LRRN2: variants seen among roughly 807,000 people sequenced by gnomAD.
LRRN2 encodes the protein leucine rich repeat neuronal 2.
LRRN2 carries 10 observed loss-of-function variants against 35.7 expected under a neutral mutation model. That is an observed-to-expected ratio of 0.28 (90% confidence interval 0.17 to 0.47). LRRN2 has a LOEUF of 0.47. LRRN2 is among the 20% of genes least tolerant of loss of function. The pLI is 0.99. For missense variants in LRRN2, 731 were observed against 940.3 expected (o/e 0.78, Z 2.91); for synonymous variants, 391 against 409.6 (o/e 0.95, Z 0.55).
At chr1:204,623,846 G>A (rs995854967) in intron 1 of LRRN2, among the ~76,000 whole-genome samples, 2 of 152,200 alleles carry the variant, frequency 1.3e-5, no homozygotes, top group Admixed American at 1.3e-4. Context: ...GTGCTTGAGA[G>A]TTGCTATAGT....
At chr1:204,631,577 C>A (rs1667705934) in intron 1 of LRRN2, among the ~76,000 whole-genome samples, 1 of 151,444 alleles carries the variant, frequency 6.6e-6, no homozygotes, top group Non-Finnish European at 1.5e-5. Flanking sequence ...GGGGAGACAG[C>A]ATGATTCTAC....
chr1:204,657,694 C>T (rs1668390007), intron 1 of LRRN2, among the ~76,000 whole-genome samples: 1 of 152,078 alleles, frequency 6.6e-6, no homozygotes, highest in Non-Finnish European at 1.5e-5. Context: ...ATATAAAAAA[C>T]TACCAAATTG....
chr1:204,619,450 G>C lies in LRRN2; in HGVS notation c.543C>G (p.Asp181Glu). 1 of 1,614,254 alleles carries C rather than the reference G, an allele frequency of 6.2e-7. No individual in the cohort carries two copies. Among genetic ancestry groups the C allele is most frequent in the Non-Finnish European group, 8.5e-7 (1 of 1,180,054 alleles). The change falls in exon 2 of 2, where the codon GAC (aspartate) becomes GAG (glutamate). Residue 181 changes from aspartate (D) to glutamate (E), a missense_variant. Around this residue, in one of 3 missense-constraint regions of LRRN2, gnomAD observed 246 missense variants for 289.5 expected, o/e 0.85. Transcript: ENST00000367177. ...HLNSNLLRAI[D>E]SRWFEMLPNL... ...TGGGCAGCATTTCAAACCAGCGGCT[G>C]TCAATGGCCCTCAGGAGGTTGGAGT...
intron 1 of LRRN2, among the ~76,000 whole-genome samples, chr1:204,682,605 C>T (rs1199125790): frequency 6.6e-6 from 1 of 152,172 alleles, no homozygotes; most frequent in Non-Finnish European, 1.5e-5. Flanking sequence ...GTTGTCAGCA[C>T]GACTGAACAG....
In LRRN2 at chr1:204,619,599, G is replaced by C; in HGVS notation, c.394C>G (p.Leu132Val). ...LHLEENQLTRLEDHSFAGLAS... is the reference protein window; with the variant it reads ...LHLEENQLTRVEDHSFAGLAS... ...AGCCCTGCAAAGCTGTGGTCCTCCA[G>C]CCGGGTCAGCTGGTTCTCCTCTAGG... is the stretch of plus-strand genomic sequence containing the variant. The change falls in exon 2 of 2, where the codon CTG becomes GTG. Residue 132 changes from leucine (L) to valine (V), a missense_variant. Physicochemically the swap from Leu to Val is conservative, Grantham distance 32. Around this residue, in one of 3 missense-constraint regions of LRRN2, gnomAD observed 246 missense variants for 289.5 expected, o/e 0.85. Transcript: ENST00000367177. The C allele has an allele frequency of 3.7e-6, 6 of 1,614,202 alleles. No individual in the cohort carries two copies. The highest frequency in any genetic ancestry group is 5.1e-6 in the Non-Finnish European group (6 of 1,180,032).
chr1:204,668,552 G>A lies in LRRN2; in HGVS notation c.-227+16768C>T, dbSNP rs570916268. 3.3e-3 allele frequency among the ~76,000 whole-genome samples: 508 copies of A among 152,238 alleles called. 4 individuals carry two copies. The highest frequency in any genetic ancestry group is 0.012 in the African/African-American group (483 of 41,546). ...AGAGGTTGCAGTGAGCCAAGATCAC[G>A]CCATTGCACTGCAGCCTGGGTGACA... On this transcript the variant is annotated intron_variant, in intron 1 of 1. Coordinates refer to ENST00000367177, the MANE Select transcript of LRRN2 (RefSeq NM_201630.2).
At chr1:204,680,078 C>G (rs142931311) in intron 1 of LRRN2, among the ~76,000 whole-genome samples, 1 of 152,314 alleles carries the variant, frequency 6.6e-6, no homozygotes, top group Non-Finnish European at 1.5e-5. Context: ...GTCCTAAAGT[C>G]AGAGAGAAGG....
chr1:204,630,550 G>A (rs1225851295), intron 1 of LRRN2, among the ~76,000 whole-genome samples: 1 of 152,000 alleles, frequency 6.6e-6, no homozygotes, highest in African/African-American at 2.4e-5. Context: ...CCTGGTCTCG[G>A]GGGCGCTGCC....
At chr1:204,642,976 C>A (rs554851743) in intron 1 of LRRN2, among the ~76,000 whole-genome samples, 2 of 152,324 alleles carry the variant, frequency 1.3e-5, no homozygotes, top group African/African-American at 4.8e-5. Context: ...GACATGGAGT[C>A]AAATCCTGAT....
intron 1 of LRRN2, among the ~76,000 whole-genome samples, chr1:204,666,496 A>T (rs1209116363): frequency 6.6e-6 from 1 of 152,254 alleles, no homozygotes; most frequent in Non-Finnish European, 1.5e-5. Flanking sequence ...ATCCTGGGCC[A>T]GTTAGCTTTC....
At chr1:204,638,448 GTC>G (rs1667897629) in intron 1 of LRRN2, among the ~76,000 whole-genome samples, 1 of 112,566 alleles carries the variant, frequency 8.9e-6, no homozygotes, top group Non-Finnish European at 1.6e-5. Context: ...GTCTCGCTCT[GTC>G]GCCCAGGCTG....
Position 204,617,589 on chromosome 1 carries a change from A to T in LRRN2, c.*262T>A. 2.1e-6 allele frequency: 1 copy of T among 477,454 alleles called. No homozygotes were observed. The highest frequency in any genetic ancestry group is 3.8e-6 in the Non-Finnish European group (1 of 265,686). The allele number at this position is 477,454 out of a possible 1,614,324, so 29.6% of individuals were successfully genotyped here. ...GGCAGAGAGAAGATGGGGAGGCAGG[A>T]GGCTCTAGCCAAAGTCCCTCCTGTT... On this transcript the variant is annotated 3_prime_UTR_variant, in exon 2 of 2. Transcript: ENST00000367177.
At chr1:204,633,011 T>C (rs1558408414) in intron 1 of LRRN2, 1 of 152,210 alleles carries the variant, frequency 6.6e-6, no homozygotes, top group Non-Finnish European at 1.5e-5. Context: ...AATCCATGTA[T>C]TGGAAACTTA....
Position 204,618,857 on chromosome 1 carries a change from C to T in LRRN2, c.1136G>A (p.Trp379Ter). Residue 379 changes from tryptophan (W) to a stop codon, truncating the protein, a stop_gained, in exon 2 of 2, where the codon TGG becomes TAG. Transcript: ENST00000367177. LOFTEE classifies it high-confidence loss of function. ...GACACGGGTGCCCGTGGCATTGGCC[C>T]AGCGGATGACACAGTCACAGCGGAT... The part of the protein sequence containing the change: ...NPIRCDCVIR[W>*]ANATGTRVRF... 1 of 1,614,140 alleles carries T rather than the reference C, an allele frequency of 6.2e-7. No homozygotes were observed. Among genetic ancestry groups the T allele is most frequent in the Non-Finnish European group, 8.5e-7 (1 of 1,180,032 alleles).
intron 1 of LRRN2, among the ~76,000 whole-genome samples, chr1:204,638,637 C>T (rs1667904718): frequency 6.6e-6 from 1 of 151,992 alleles, no homozygotes; most frequent in South Asian, 2.1e-4. Context: ...GTCTTGAACT[C>T]CTGACCTCGT....
chr1:204,626,773 C>G (rs888361051), intron 1 of LRRN2: 2 of 152,124 alleles, frequency 1.3e-5, no homozygotes, highest in African/African-American at 4.8e-5. Context: ...AATCACAACC[C>G]ATTAGTAGGT....
At position 204,619,127 on chromosome 1, in the gene LRRN2, T is replaced by C. The variant is rs1299605129; in HGVS notation, c.866A>G (p.Glu289Gly). Residue 289 changes from glutamate (E) to glycine (G), a missense_variant, in exon 2 of 2, where the codon GAG becomes GGG. Coordinates refer to ENST00000367177, the MANE Select transcript of LRRN2 (RefSeq NM_201630.2). ...CTCCTCCATGTTGTTCAGTCCCAGC[T>C]CCTTAAGGTGCAGCATGTTGGCAAA... ...GDFANMLHLK[E>G]LGLNNMEELV... The C allele has an allele frequency of 1.2e-6, 2 of 1,613,188 alleles. No individual in the cohort carries two copies. The highest frequency in any genetic ancestry group is 2.7e-5 in the African/African-American group (2 of 74,962).
intron 1 of LRRN2, among the ~76,000 whole-genome samples, chr1:204,648,454 T>C (rs1668154980): frequency 6.6e-6 from 1 of 152,146 alleles, no homozygotes; most frequent in Admixed American, 6.5e-5. Context: ...TTTCCACTGC[T>C]TCCCCCGCAG....
At chr1:204,635,529 A>C (rs1420525559) in intron 1 of LRRN2, among the ~76,000 whole-genome samples, 2 of 152,144 alleles carry the variant, frequency 1.3e-5, no homozygotes, top group Non-Finnish European at 2.9e-5. Flanking sequence ...TCCTCTCTTG[A>C]GTGTACCAGG....
Sources: allele counts gnomAD v4.1 joint callset (sites outside exome capture counted in the v4.1 genomes callset), GRCh38; gene constraint gnomAD v4.1.1; regional missense constraint gnomAD v4.1.1; transcripts MANE v1.5; gene names NCBI Gene and HGNC (gene_info 2026-07-23, HGNC 2026-07-21).